The following WDFY4 variants were observed in gnomAD, a reference collection of about 807,000 sequenced individuals.
WDFY4 encodes WDFY family member 4.
In WDFY4, 169 loss-of-function variants were observed where a neutral mutation model predicts 351.9. The ratio of observed to expected loss-of-function variants is 0.48; its 90% CI spans 0.42 to 0.55. The LOEUF (loss-of-function observed/expected upper bound fraction) is 0.55. Among genes scored for constraint, WDFY4 ranks in the 20% least tolerant of loss-of-function variants. The probability of loss-of-function intolerance (pLI) is 0.00; values close to 1 mark genes in which losing one functional copy is unlikely to be tolerated. For synonymous variants in WDFY4, 1,622 were observed against 1,574.6 expected (o/e 1.03, Z -0.71); for missense variants, 3,803 against 3,935.6 (o/e 0.97, Z 0.90).
At chr10:48,699,336 G>T (rs2063417105) in intron 1 of WDFY4, among the ~76,000 whole-genome samples, 1 of 152,164 alleles carries the variant, frequency 6.6e-6, no homozygotes, top group Non-Finnish European at 1.5e-5. Context: ...AGGGGCAGAG[G>T]CACAGGGACC....
chr10:48,901,205 A>C (rs1054295232), intron 46 of WDFY4, among the ~76,000 whole-genome samples: 1 of 152,264 alleles, frequency 6.6e-6, no homozygotes, highest in African/African-American at 2.4e-5. Context: ...GAGCCTGCTC[A>C]TGCGGTTCTT....
At chr10:48,907,340 C>T (rs1837666283) in intron 47 of WDFY4, among the ~76,000 whole-genome samples, 1 of 152,224 alleles carries the variant, frequency 6.6e-6, no homozygotes, top group East Asian at 1.9e-4. Flanking sequence ...GAGGCAAAAG[C>T]ATCCCCGGGC....
intron 52 of WDFY4, among the ~76,000 whole-genome samples, chr10:48,958,655 C>A (rs1238304352): frequency 2.0e-5 from 3 of 151,990 alleles, no homozygotes; most frequent in Admixed American, 1.3e-4. Flanking sequence ...ATGGCATGTC[C>A]TGAAGATGTT....
At chr10:48,773,963 C>A (rs2132612570) in intron 13 of WDFY4, among the ~76,000 whole-genome samples, 1 of 152,278 alleles carries the variant, frequency 6.6e-6, no homozygotes, top group Admixed American at 6.5e-5. Context: ...ATGTTGGACC[C>A]CTGGAGGGCA....
chr10:48,813,163 G>A (rs915344201), intron 30 of WDFY4, among the ~76,000 whole-genome samples: 1 of 152,106 alleles, frequency 6.6e-6, no homozygotes, highest in African/African-American at 2.4e-5. Flanking sequence ...GGTCTCAATC[G>A]AGTTGAGTTA....
intron 42 of WDFY4, among the ~76,000 whole-genome samples, chr10:48,876,248 T>A (rs1380513115): frequency 6.6e-6 from 1 of 152,116 alleles, no homozygotes. Context: ...CTTTCAATCA[T>A]CCAGTACAGA....
At chr10:48,725,763 C>A in intron 5 of WDFY4, 118 bp from the exon 6 acceptor site, 1 of 1,103,238 alleles carries the variant, frequency 9.1e-7, no homozygotes. Flanking sequence ...CCCATTCAAT[C>A]CTGTCCTTCT....
At chr10:48,832,474 G>T in intron 38 of WDFY4, 99 bp from the exon 39 acceptor site, 3 of 1,357,808 alleles carry the variant, frequency 2.2e-6, no homozygotes, top group South Asian at 1.7e-5. Flanking sequence ...AACCACAGGG[G>T]GCTCATGCCC....
chr10:48,979,473 C>T (rs1165979027), intron 60 of WDFY4, among the ~76,000 whole-genome samples: 1 of 152,134 alleles, frequency 6.6e-6, no homozygotes, highest in Non-Finnish European at 1.5e-5. Flanking sequence ...GCTATTGGGG[C>T]CCAGTAAGCT....
intron 5 of WDFY4, 21 bp downstream of exon 5, chr10:48,723,588 C>T: frequency 6.4e-7 from 1 of 1,551,328 alleles, no homozygotes; most frequent in Middle Eastern, 1.7e-4. Context: ...GGAGGGCCTC[C>T]AATTCCCTGG....
In WDFY4 at chr10:48,787,576, C is replaced by T. The variant is rs2132703685; in HGVS notation, c.3808+706C>T. On this transcript the variant is annotated intron_variant, in intron 20 of 61. Coordinates refer to ENST00000325239, the MANE Select transcript of WDFY4 (RefSeq NM_001394531.1). ...ATGTTAATTCAAACTGGGGTGTTTG[C>T]CGTGGCTGTGCAGCTCATTGAAAAT... 1.3e-5 allele frequency among the ~76,000 whole-genome samples: 2 copies of T among 152,312 alleles called. 1 individual carries two copies. The highest frequency in any genetic ancestry group is 6.8e-3 in the Middle Eastern group (2 of 294).
intron 13 of WDFY4, among the ~76,000 whole-genome samples, chr10:48,772,774 C>A (rs2065911066): frequency 6.7e-6 from 1 of 149,434 alleles, no homozygotes; most frequent in Admixed American, 6.6e-5. Context: ...TCAATTCCCA[C>A]CTATGAGTGA....
intron 19 of WDFY4, among the ~76,000 whole-genome samples, chr10:48,781,976 G>A (rs2066241366): frequency 6.6e-6 from 1 of 152,184 alleles, no homozygotes; most frequent in South Asian, 2.1e-4. Context: ...AGTTAGGAGT[G>A]GCTTGTTACA....
chr10:48,805,289 A>T lies in WDFY4; in HGVS notation c.4514A>T (p.His1505Leu). ...REGPRNAEAAHQAQLIPKLIF... is the reference protein window; with the variant it reads ...REGPRNAEAALQAQLIPKLIF... ...GGACCCAGGAATGCTGAAGCTGCCC[A>T]CCAGGCACAGCTTATACCCAAGCTC... is the stretch of plus-strand genomic sequence containing the variant. Residue 1505 changes from histidine to leucine, a missense_variant, in exon 26 of 62, where the codon CAC becomes CTC. Transcript: ENST00000325239. 6.5e-7 allele frequency: 1 copy of T among 1,546,218 alleles called. No homozygotes were observed. The highest frequency in any genetic ancestry group is 8.7e-7 in the Non-Finnish European group (1 of 1,146,964).
intron 39 of WDFY4, among the ~76,000 whole-genome samples, chr10:48,850,439 G>T (rs2068919819): frequency 6.6e-6 from 1 of 152,050 alleles, no homozygotes; most frequent in Non-Finnish European, 1.5e-5. Context: ...TTGTTCAAAT[G>T]GTTCCAGCTT....
At chr10:48,786,927 C>A in intron 20 of WDFY4, 57 bp downstream of exon 20, 3 of 1,457,126 alleles carry the variant, frequency 2.1e-6, no homozygotes, top group South Asian at 1.2e-5. Flanking sequence ...AAATGGACAT[C>A]CAGTTATTTG....
At chr10:48,964,156 G>T (rs1204761648) in intron 54 of WDFY4, 102 bp downstream of exon 54, 8 of 1,295,432 alleles carry the variant, frequency 6.2e-6, no homozygotes, top group Non-Finnish European at 8.6e-6. Context: ...CTGAAGAGGT[G>T]AAATGGTCCC....
At position 48,828,773 on chromosome 10, in the gene WDFY4, A is replaced by G; in HGVS notation, c.6222-5A>G. On this transcript the variant is annotated splice_region_variant and splice_polypyrimidine_tract_variant and intron_variant, in intron 36 of 61. Transcript: ENST00000325239. The stretch of plus-strand genomic sequence containing the variant: ...GATTTTAGTGAAAAATCTCTTATCC[A>G]CTAGTTACCCAGAAGGATTTGGATT... The G allele has an allele frequency of 6.6e-7, 1 of 1,511,004 alleles. No individual in the cohort carries two copies. Among genetic ancestry groups the G allele is most frequent in the Non-Finnish European group, 8.9e-7 (1 of 1,118,388 alleles). 93.6% of individuals were successfully genotyped at this position (1,511,004 alleles called of 1,614,324 possible).
intron 28 of WDFY4, 121 bp downstream of exon 28, chr10:48,808,079 C>T: frequency 1.3e-6 from 1 of 779,232 alleles, no homozygotes; most frequent in Non-Finnish European, 1.9e-6. Context: ...GTATTTCCTG[C>T]ACTAGTCAGA....
Sources: allele counts gnomAD v4.1 joint callset (sites outside exome capture counted in the v4.1 genomes callset), GRCh38; gene constraint gnomAD v4.1.1; transcripts MANE v1.5; gene names NCBI Gene and HGNC (gene_info 2026-07-23, HGNC 2026-07-21).